The following ELAVL1 variants were observed in gnomAD, a reference collection of about 807,000 sequenced individuals.
The protein encoded by ELAVL1 is ELAV-like protein 1.
In ELAVL1, 1 loss-of-function variant was observed where a neutral mutation model predicts 28.4. The ratio of observed to expected loss-of-function variants is 0.04; its 90% CI spans 0.01 to 0.17. ELAVL1 has a LOEUF of 0.17. Ranked by LOEUF, ELAVL1 falls within the 10% of genes least tolerant of loss-of-function variation. The probability of loss-of-function intolerance (pLI) is 1.00; values close to 1 mark genes in which losing one functional copy is unlikely to be tolerated. For missense variants in ELAVL1, 157 were observed against 447.2 expected, an observed-to-expected ratio of 0.35 and a Z score of 5.85; for synonymous variants, 174 against 183.5, an observed-to-expected ratio of 0.95 and a Z score of 0.42.
At chr19:7,992,367 T>C (rs867541811) in intron 1 of ELAVL1, among the ~76,000 whole-genome samples, 2 of 152,136 alleles carry the variant, frequency 1.3e-5, no homozygotes, top group Non-Finnish European at 1.5e-5. Context: ...TCTCCTCCAA[T>C]GGGTGAATGA....
chr19:7,972,178 C>T (rs1223949841), intron 4 of ELAVL1, among the ~76,000 whole-genome samples: 2 of 152,238 alleles, frequency 1.3e-5, no homozygotes, highest in African/African-American at 4.8e-5. Flanking sequence ...GGTTAGTTAG[C>T]AGACTCCTGC....
At position 7,979,280 on chromosome 19, in the gene ELAVL1, C is replaced by T. The variant is rs1040047735; in HGVS notation, c.276+1803G>A. Among the ~76,000 whole-genome samples, 5 of 152,200 alleles carry T rather than the reference C, an allele frequency of 3.3e-5. No homozygotes were observed. The highest frequency in any genetic ancestry group is 1.2e-4 in the African/African-American group (5 of 41,448). ...CCGCCGAAGGTGAGGCAGGCTTCTG[C>T]ATGCATGGCCGGGATGACAGGGAGG... On this transcript the variant is annotated intron_variant, in intron 3 of 5. Coordinates refer to ENST00000407627, the MANE Select transcript of ELAVL1 (RefSeq NM_001419.3). This position sits in a 1 kb window ranked among gnomAD's most constrained non-coding sequence, Gnocchi z 5.4.
chr19:8,004,256 A>G (rs963198284), intron 1 of ELAVL1, among the ~76,000 whole-genome samples: 1 of 152,148 alleles, frequency 6.6e-6, no homozygotes, highest in African/African-American at 2.4e-5. Flanking sequence ...ACCCTCTTCA[A>G]TTTGCACCAC....
In ELAVL1 at chr19:7,982,627, C is replaced by T. The variant is rs753779406; in HGVS notation, c.173-1441G>A. ...TCCCAGTTTCCCCTATGGGTACCAC[C>T]GCAAGTGAGTATGAAATGCTGGTGA... On this transcript the variant is annotated intron_variant, in intron 2 of 5. Transcript: ENST00000407627. This position sits in a 1 kb window ranked among gnomAD's most constrained non-coding sequence, Gnocchi z 4.3. Among the ~76,000 whole-genome samples the T allele has an allele frequency of 6.6e-6, 1 of 152,154 alleles. No homozygotes were observed. The highest frequency in any genetic ancestry group is 1.5e-5 in the Non-Finnish European group (1 of 68,022).
intron 3 of ELAVL1, among the ~76,000 whole-genome samples, chr19:7,975,662 C>T (rs574110768): frequency 1.3e-5 from 2 of 152,362 alleles, no homozygotes; most frequent in East Asian, 3.9e-4. Context: ...CCCCACCCCA[C>T]AATCCAAATT....
rs567834761 is a variant in ELAVL1, at chr19:7,977,468, T to C, written c.277-3590A>G. Among the ~76,000 whole-genome samples the C allele has an allele frequency of 1.4e-4, 21 of 152,260 alleles. 1 individual carries two copies. In the South Asian group the frequency reaches 4.3e-3, roughly 32 times the overall value. On this transcript the variant is annotated intron_variant, in intron 3 of 5. Transcript: ENST00000407627. ...ATGGAAGGTCTGGCCCCGTCAGCCT[T>C]TGATAAGCACTGGCTGTGTGTGGCA...
intron 2 of ELAVL1, among the ~76,000 whole-genome samples, chr19:7,990,373 T>G (rs1446211524): frequency 6.7e-6 from 1 of 149,864 alleles, no homozygotes; most frequent in Non-Finnish European, 1.5e-5. Context: ...CTCACTATGT[T>G]GCCCAGGCTA....
In ELAVL1 at chr19:7,982,227, A is replaced by G. The variant is rs1985484076; in HGVS notation, c.173-1041T>C. On this transcript the variant is annotated intron_variant, in intron 2 of 5. Transcript: ENST00000407627. The surrounding 1 kb of genome is among the most constrained non-coding windows in gnomAD (Gnocchi z 4.3). ...GGACATTTGGCCAAATGCTCTCACT[A>G]AAGGGGAAGTGAGGAGGCACAGGGA... 6.6e-6 allele frequency among the ~76,000 whole-genome samples: 1 copy of G among 152,168 alleles called. No homozygotes were observed.
In ELAVL1 at chr19:7,979,604, G is replaced by GAGGCGAGGAAGGGCTGC. The variant is rs1199356412; in HGVS notation, c.276+1462_276+1478dup. On this transcript the variant is annotated intron_variant, in intron 3 of 5. Coordinates refer to ENST00000407627, the MANE Select transcript of ELAVL1 (RefSeq NM_001419.3). This position sits in a 1 kb window ranked among gnomAD's most constrained non-coding sequence, Gnocchi z 5.4. ...GCCAAGGATAAGCCACCTGGGGCTG[G>GAGGCGAGGAAGGGCTGC]AGGCGAGGAAGGGCTGCCCCTGCTC... Among the ~76,000 whole-genome samples, 1 of 152,236 alleles carries GAGGCGAGGAAGGGCTGC rather than the reference G, an allele frequency of 6.6e-6. No homozygotes were observed. The highest frequency in any genetic ancestry group is 6.5e-5 in the Admixed American group (1 of 15,290).
At position 7,979,081 on chromosome 19, in the gene ELAVL1, C is replaced by T. The variant is rs555774822; in HGVS notation, c.276+2002G>A. Among the ~76,000 whole-genome samples, 1 of 152,320 alleles carries T rather than the reference C, an allele frequency of 6.6e-6. No individual in the cohort carries two copies. The highest frequency in any genetic ancestry group is 1.9e-4 in the East Asian group (1 of 5,184). ...ATGAACACACTTGGAGCACAGAGGA[C>T]CCCAGGGCTGCGCCGGGGGAACTGC... is the stretch of plus-strand genomic sequence containing the variant. On this transcript the variant is annotated intron_variant, in intron 3 of 5. Coordinates refer to ENST00000407627, the MANE Select transcript of ELAVL1 (RefSeq NM_001419.3). This position sits in a 1 kb window ranked among gnomAD's most constrained non-coding sequence, Gnocchi z 5.4.
chr19:7,998,675 GTCTC>G (rs987787405), intron 1 of ELAVL1, among the ~76,000 whole-genome samples: 2 of 152,068 alleles, frequency 1.3e-5, no homozygotes, highest in African/African-American at 4.8e-5. Context: ...AGAGATGGGG[GTCTC>G]TCTTTGTTGC....
rs1249971116 is a variant in ELAVL1 at position 7,960,998 on chromosome 19, C to T, written c.*2485G>A. On this transcript the variant is annotated 3_prime_UTR_variant, in exon 6 of 6. Coordinates refer to ENST00000407627, the MANE Select transcript of ELAVL1 (RefSeq NM_001419.3). ...GCAAGCTAAGACTCCCAAATAAAGG[C>T]TTTGGAATTTTTTAGCTAGAAGGCT... The T allele has an allele frequency of 6.6e-6, 1 of 152,192 alleles. No individual in the cohort carries two copies. The highest frequency in any genetic ancestry group is 1.9e-4 in the East Asian group (1 of 5,196). The allele number at this position is 152,192 out of a possible 1,614,324, so 9.4% of individuals were successfully genotyped here.
chr19:7,970,405 T>C (rs1190643448), intron 4 of ELAVL1, among the ~76,000 whole-genome samples: 1 of 152,232 alleles, frequency 6.6e-6, no homozygotes, highest in East Asian at 1.9e-4. Flanking sequence ...TCCGCCCACC[T>C]TGGCCTCCCA....
intron 2 of ELAVL1, among the ~76,000 whole-genome samples, chr19:7,985,578 C>T (rs576314128): frequency 2.0e-5 from 3 of 152,238 alleles, no homozygotes; most frequent in African/African-American, 7.2e-5. Context: ...TGAGGGTTTG[C>T]GAGGGAGCAG....
At chr19:7,973,969 A>G (rs1359363596) in intron 3 of ELAVL1, 91 bp from the exon 4 acceptor site, 8 of 1,487,364 alleles carry the variant, frequency 5.4e-6, no homozygotes, top group Non-Finnish European at 7.4e-6. Context: ...AAAAGCCAAC[A>G]CTGTGTGTTA....
intron 3 of ELAVL1, among the ~76,000 whole-genome samples, chr19:7,975,514 G>C (rs1449949822): frequency 6.6e-6 from 1 of 152,224 alleles, no homozygotes; most frequent in African/African-American, 2.4e-5. Context: ...GGCGTGCACT[G>C]ACCTGGGGCT....
chr19:7,998,988 T>A (rs2081058359), intron 1 of ELAVL1, among the ~76,000 whole-genome samples: 1 of 152,164 alleles, frequency 6.6e-6, no homozygotes, highest in Admixed American at 6.6e-5. Flanking sequence ...TTGTTGCCCA[T>A]GCTGGCTTCA....
intron 3 of ELAVL1, among the ~76,000 whole-genome samples, chr19:7,977,750 G>A (rs963565631): frequency 4.6e-5 from 7 of 152,266 alleles, no homozygotes; most frequent in African/African-American, 1.7e-4. Context: ...GGCAAGGCAC[G>A]TCTGCGCTCT....
At chr19:7,994,095 T>C (rs1985821229) in intron 1 of ELAVL1, among the ~76,000 whole-genome samples, 1 of 152,190 alleles carries the variant, frequency 6.6e-6, no homozygotes, top group South Asian at 2.1e-4. Context: ...GACTGAAAAG[T>C]GAGACTCCAT....
Sources: allele counts gnomAD v4.1 joint callset (sites outside exome capture counted in the v4.1 genomes callset), GRCh38; gene constraint gnomAD v4.1.1; non-coding constraint Gnocchi (gnomAD v3.1); transcripts MANE v1.5; gene names NCBI Gene and HGNC (gene_info 2026-07-23, HGNC 2026-07-21).